Variants in FUT8 observed in about 807,000 individuals in gnomAD.
The protein encoded by FUT8 is fucosyltransferase 8.
Under a neutral mutation model 71.3 loss-of-function variants are expected in FUT8, and 29 were observed. The observed-to-expected ratio is 0.41, with a 90% CI of 0.30 to 0.55. FUT8 has a LOEUF of 0.55. FUT8 is among the 20% of genes least tolerant of loss of function. The pLI, the probability that FUT8 is intolerant of heterozygous loss-of-function variation, is 0.34. For synonymous variants in FUT8, 254 were observed against 239.3 expected (o/e 1.06, Z -0.57); for missense variants, 544 against 702.1 (o/e 0.77, Z 2.55).
chr14:65,629,686 T>A, intron 6 of FUT8, 80 bp downstream of exon 6: 1 of 978,018 alleles, frequency 1.0e-6, no homozygotes, highest in East Asian at 2.4e-5. Context: ...ATTTCAGTTG[T>A]TTTTAGTCTT....
the FUT8 span, among the ~76,000 whole-genome samples, chr14:65,359,715 A>G: frequency 0.91 from 137,841 of 152,284 alleles, 62,886 homozygotes; most frequent in East Asian, 1. Flanking sequence ...AACACATTTT[A>G]TTTATCCATT....
chr14:65,718,331 A>G (rs1895231541), intron 7 of FUT8, among the ~76,000 whole-genome samples: 1 of 152,224 alleles, frequency 6.6e-6, no homozygotes, highest in Non-Finnish European at 1.5e-5. Flanking sequence ...GCATAAACAA[A>G]CATGCAATCA....
At chr14:65,628,710 A>T (rs950116066) in intron 5 of FUT8, among the ~76,000 whole-genome samples, 3 of 152,120 alleles carry the variant, frequency 2.0e-5, no homozygotes, top group African/African-American at 7.2e-5. Context: ...ATTTTACTTT[A>T]CTCTGCAGGT....
the FUT8 span, among the ~76,000 whole-genome samples, chr14:65,378,135 CAT>C: frequency 2.0e-5 from 3 of 152,158 alleles, no homozygotes; most frequent in Admixed American, 6.5e-5. Flanking sequence ...ACTTGGCAAA[CAT>C]GTTGTAATGG....
chr14:65,367,288 C>G, the FUT8 span, among the ~76,000 whole-genome samples: 6 of 152,184 alleles, frequency 3.9e-5, no homozygotes, highest in African/African-American at 7.2e-5. Flanking sequence ...AAGGAAATGA[C>G]TCTTCATCTT....
chr14:65,669,360 C>T lies in FUT8; in HGVS notation c.715C>T (p.Arg239Ter), dbSNP rs1460811017. The change falls in exon 7 of 11, where the codon CGA (arginine) becomes TGA (stop). Residue 239 changes from arginine to a stop codon, truncating the protein, a stop_gained. Coordinates refer to ENST00000673929, the MANE Select transcript of FUT8 (RefSeq NM_001371533.1). LOFTEE classifies it high-confidence loss of function. This position sits in a 1 kb window ranked among gnomAD's most constrained non-coding sequence, Gnocchi z 4.5. ...YCFMIAYGTQRTLILESQNWR... is the reference protein window; with the variant it reads ...YCFMIAYGTQ ...CTTCATGATTGCATATGGCACCCAG[C>T]GAACACTCATCTTGGAATCTCAGAA... 5.0e-6 allele frequency: 8 copies of T among 1,613,774 alleles called. No individual in the cohort carries two copies. Among genetic ancestry groups the T allele is most frequent in the East Asian group, 2.2e-5 (1 of 44,876 alleles).
chr14:65,522,231 C>G (rs77309820), intron 2 of FUT8, among the ~76,000 whole-genome samples: 2,215 of 152,298 alleles, frequency 0.015, 29 homozygotes, highest in Non-Finnish European at 0.025. Flanking sequence ...CCTCTCCCGA[C>G]TTTTCCTTTT....
chr14:65,729,335 A>C (rs1396757793), intron 9 of FUT8, among the ~76,000 whole-genome samples: 1 of 151,904 alleles, frequency 6.6e-6, no homozygotes, highest in Non-Finnish European at 1.5e-5. Context: ...TTTTTTAATG[A>C]CTACATACAT....
chr14:65,688,724 G>GTCT (rs1414308987), intron 7 of FUT8, among the ~76,000 whole-genome samples: 1 of 152,154 alleles, frequency 6.6e-6, no homozygotes, highest in East Asian at 1.9e-4. Context: ...TGGGTAAGCT[G>GTCT]TAGCAGTGAG....
intron 1 of FUT8, among the ~76,000 whole-genome samples, chr14:65,432,121 CCTT>C (rs2065485654): frequency 6.6e-6 from 1 of 152,184 alleles, no homozygotes; most frequent in Non-Finnish European, 1.5e-5. Flanking sequence ...CCTCCCTTCT[CCTT>C]ATAACTTTGC....
intron 6 of FUT8, among the ~76,000 whole-genome samples, chr14:65,663,329 T>G (rs1892061022): frequency 6.6e-6 from 1 of 152,134 alleles, no homozygotes; most frequent in South Asian, 2.1e-4. Flanking sequence ...TATGAAGTTC[T>G]TTTCATCAGA....
At position 65,439,954 on chromosome 14, in the gene FUT8, GTATATATATA is replaced by G. The variant is rs60534547; in HGVS notation, c.-325-15639_-325-15630del. Reference sequence around the variant, plus strand: ...ATAAAGAAAATGTGTGTGTGTGTGTGTATATATATATATATATATATATATATATATATAT... The same window carrying G: ...ATAAAGAAAATGTGTGTGTGTGTGTGTATATATATATATATATATATATAT... On this transcript the variant is annotated intron_variant, in intron 1 of 10. Transcript: ENST00000673929. 1.6e-3 allele frequency among the ~76,000 whole-genome samples: 117 copies of G among 74,940 alleles called. 4 individuals carry two copies. Among genetic ancestry groups the G allele is most frequent in the Middle Eastern group, 7.4e-3 (1 of 136 alleles). The allele number at this position is 74,940 out of a possible 152,430, so 49.2% of individuals were successfully genotyped here.
At chr14:65,693,968 G>A (rs1382879457) in intron 7 of FUT8, among the ~76,000 whole-genome samples, 1 of 152,308 alleles carries the variant, frequency 6.6e-6, no homozygotes, top group Admixed American at 6.5e-5. Flanking sequence ...TATCAAATTT[G>A]TGGGTACAGT....
intron 2 of FUT8, among the ~76,000 whole-genome samples, chr14:65,463,340 C>T (rs1034563556): frequency 6.6e-6 from 1 of 152,132 alleles, no homozygotes; most frequent in Non-Finnish European, 1.5e-5. Flanking sequence ...AGTCACGGCT[C>T]ACTGCAGCCT....
intron 3 of FUT8, among the ~76,000 whole-genome samples, chr14:65,594,666 T>A (rs1038019026): frequency 2.0e-5 from 3 of 152,168 alleles, no homozygotes; most frequent in Non-Finnish European, 2.9e-5. Flanking sequence ...AGAATTTTAT[T>A]GAGTCGTGAA....
chr14:65,735,905 A>C (rs1896192283), intron 10 of FUT8, among the ~76,000 whole-genome samples: 1 of 152,194 alleles, frequency 6.6e-6, no homozygotes, highest in Admixed American at 6.5e-5. Context: ...CCTTTACATA[A>C]ACCAAAATTG....
chr14:65,462,628 A>G (rs112725065), intron 2 of FUT8, among the ~76,000 whole-genome samples: 9 of 152,354 alleles, frequency 5.9e-5, no homozygotes, highest in African/African-American at 2.2e-4. Flanking sequence ...CGTTTTAAAT[A>G]GGTCACTGTA....
chr14:65,645,489 A>G (rs1258627346), intron 6 of FUT8, among the ~76,000 whole-genome samples: 2 of 152,304 alleles, frequency 1.3e-5, no homozygotes, highest in African/African-American at 2.4e-5. Flanking sequence ...TTTCTCTAGC[A>G]TGGTTGATTT....
At chr14:65,681,090 C>G (rs1594892003) in intron 7 of FUT8, among the ~76,000 whole-genome samples, 1 of 152,184 alleles carries the variant, frequency 6.6e-6, no homozygotes, top group Non-Finnish European at 1.5e-5. Context: ...CTCCAATTGT[C>G]CCCATGTTTT....
Sources: gnomAD v4.1 joint callset for allele counts (sites outside exome capture counted in the v4.1 genomes callset) on GRCh38, gnomAD v4.1.1 for gene constraint, Gnocchi (gnomAD v3.1) non-coding constraint, MANE v1.5 for transcripts, NCBI Gene and HGNC (gene_info 2026-07-23, HGNC 2026-07-21) for gene names.